The following HMGA2 variants were observed in gnomAD, a reference collection of about 807,000 sequenced individuals.
The protein encoded by HMGA2 is high mobility group protein HMGI-C.
HMGA2 carries 8 observed loss-of-function variants against 19.1 expected under a neutral mutation model. That is an observed-to-expected ratio of 0.42 (90% confidence interval 0.25 to 0.76). The LOEUF (loss-of-function observed/expected upper bound fraction) is 0.76, where lower values mean the gene tolerates loss of function less well. HMGA2 is among the 30% of genes least tolerant of loss of function. The probability of loss-of-function intolerance (pLI) is 0.28; values close to 1 mark genes in which losing one functional copy is unlikely to be tolerated. For synonymous variants in HMGA2, 60 were observed against 48.8 expected (o/e 1.23, Z -0.96); for missense variants, 109 against 136.3 (o/e 0.80, Z 1.00).
intron 3 of HMGA2, among the ~76,000 whole-genome samples, chr12:65,861,443 A>G (rs1872062039): frequency 6.6e-6 from 1 of 152,232 alleles, no homozygotes; most frequent in South Asian, 2.1e-4. Flanking sequence ...GATGGATAAA[A>G]CAGAGCGTTC....
chr12:65,852,229 G>A (rs959216025), intron 3 of HMGA2, among the ~76,000 whole-genome samples: 1 of 152,168 alleles, frequency 6.6e-6, no homozygotes, highest in Non-Finnish European at 1.5e-5. Flanking sequence ...GGATGCGGGG[G>A]CTCACGCCTA....
chr12:65,935,504 CT>C lies in HMGA2; in HGVS notation c.250-15868del, dbSNP rs531582270. ...CACGTCTGTTTGAATTTGGGTTTTTCTTTTTTTTTTTCTGTCTGCATAACAC... is the reference window on the plus strand; with the variant it reads ...CACGTCTGTTTGAATTTGGGTTTTTCTTTTTTTTTTCTGTCTGCATAACAC... On this transcript the variant is annotated intron_variant, in intron 3 of 4. Transcript: ENST00000403681. 2.6e-3 allele frequency among the ~76,000 whole-genome samples: 386 copies of C among 146,486 alleles called. 1 individual carries two copies. Among genetic ancestry groups the C allele is most frequent in the Non-Finnish European group, 4.2e-3 (277 of 66,190 alleles).
chr12:65,916,071 A>G (rs947917825), intron 3 of HMGA2, among the ~76,000 whole-genome samples: 1 of 152,144 alleles, frequency 6.6e-6, no homozygotes, highest in African/African-American at 2.4e-5. Context: ...CCTTGCCAGA[A>G]AAGAAGATCC....
chr12:65,921,169 G>A (rs1875293864), intron 3 of HMGA2, among the ~76,000 whole-genome samples: 1 of 152,224 alleles, frequency 6.6e-6, no homozygotes, highest in Non-Finnish European at 1.5e-5. Context: ...GAACTTGAGA[G>A]AGATGATTTA....
At chr12:65,898,940 A>G (rs948089198) in intron 3 of HMGA2, among the ~76,000 whole-genome samples, 1 of 148,558 alleles carries the variant, frequency 6.7e-6, no homozygotes, top group African/African-American at 2.5e-5. Flanking sequence ...GCTACTCGAG[A>G]GGCTGAGGCA....
chr12:65,951,585 C>T, intron 4 of HMGA2, 170 bp downstream of exon 4: 1 of 548,786 alleles, frequency 1.8e-6, no homozygotes, highest in South Asian at 3.1e-5. Context: ...ATATAGTCTG[C>T]AATCGTACCA....
intron 3 of HMGA2, among the ~76,000 whole-genome samples, chr12:65,863,764 GT>G (rs1355153182): frequency 1.3e-5 from 2 of 152,184 alleles, no homozygotes; most frequent in Non-Finnish European, 2.9e-5. Context: ...GACTACAGAA[GT>G]CGCAACCCTC....
intron 3 of HMGA2, among the ~76,000 whole-genome samples, chr12:65,910,968 C>G (rs1012950721): frequency 1.3e-5 from 2 of 152,192 alleles, no homozygotes; most frequent in Admixed American, 6.5e-5. Context: ...TAGCTTCCTT[C>G]CACCCCATTC....
At chr12:65,934,589 A>G (rs1295576559) in intron 3 of HMGA2, among the ~76,000 whole-genome samples, 2 of 152,162 alleles carry the variant, frequency 1.3e-5, no homozygotes, top group African/African-American at 4.8e-5. Context: ...TTCTCTATAA[A>G]GGCTGTTGGT....
intron 3 of HMGA2, among the ~76,000 whole-genome samples, chr12:65,854,796 C>A (rs898386815): frequency 7.9e-5 from 12 of 152,194 alleles, no homozygotes; most frequent in African/African-American, 2.9e-4. Flanking sequence ...ATGACATACA[C>A]TAAATTTGTC....
At position 65,838,584 on chromosome 12, in the gene HMGA2, A is replaced by G. The variant is rs774856021; in HGVS notation, c.249+15A>G. The G allele has an allele frequency of 6.3e-7, 1 of 1,585,016 alleles. No individual in the cohort carries two copies. Among genetic ancestry groups the G allele is most frequent in the East Asian group, 2.3e-5 (1 of 44,236 alleles). ...CTAGGAAATGGGTGAGTAATAAGAT[A>G]TAATTTTTCTTCTTTTTTTTAAAGA... On this transcript the variant is annotated intron_variant, in intron 3 of 4. Transcript: ENST00000403681.
intron 3 of HMGA2, among the ~76,000 whole-genome samples, chr12:65,880,779 A>G (rs921713687): frequency 3.9e-5 from 6 of 152,144 alleles, no homozygotes; most frequent in Non-Finnish European, 8.8e-5. Flanking sequence ...GGTTTCTTTT[A>G]CTTAAAAAAA....
intron 3 of HMGA2, among the ~76,000 whole-genome samples, chr12:65,854,099 A>C (rs962402767): frequency 6.6e-6 from 1 of 152,214 alleles, no homozygotes; most frequent in Non-Finnish European, 1.5e-5. Flanking sequence ...ATGAAGGTAC[A>C]CATTTCGAGA....
At chr12:65,891,095 A>C (rs1176028584) in intron 3 of HMGA2, among the ~76,000 whole-genome samples, 3 of 151,976 alleles carry the variant, frequency 2.0e-5, no homozygotes, top group Non-Finnish European at 4.4e-5. Context: ...CTCCTCTTTC[A>C]TCCATTGGAA....
At chr12:65,958,941 G>A (rs527250083) in intron 4 of HMGA2, 8 of 152,090 alleles carry the variant, frequency 5.3e-5, no homozygotes, top group Non-Finnish European at 1.0e-4. Context: ...GGGCATCGTG[G>A]TGACACCACC....
At chr12:65,827,253 T>A (rs1870252950) in intron 1 of HMGA2, among the ~76,000 whole-genome samples, 1 of 152,118 alleles carries the variant, frequency 6.6e-6, no homozygotes, top group Non-Finnish European at 1.5e-5. Context: ...CCCATAAGAG[T>A]TTTCTCAAAA....
chr12:65,937,915 A>C (rs1359819629), intron 3 of HMGA2, among the ~76,000 whole-genome samples: 1 of 152,178 alleles, frequency 6.6e-6, no homozygotes, highest in Non-Finnish European at 1.5e-5. Context: ...GTGCAAAGCC[A>C]AACCAGTTGC....
intron 3 of HMGA2, chr12:65,860,106 GA>G (rs1048163069): frequency 2.4e-6 from 1 of 423,452 alleles, no homozygotes; most frequent in Non-Finnish European, 4.8e-6. Context: ...GAAAAGAAAA[GA>G]AAAGAGAAAA....
chr12:65,880,793 T>A (rs990317950), intron 3 of HMGA2, among the ~76,000 whole-genome samples: 3 of 152,232 alleles, frequency 2.0e-5, no homozygotes, highest in South Asian at 2.1e-4. Context: ...AAAAAAAAAA[T>A]TCCTCTGATA....
Sources: gnomAD v4.1 joint callset for allele counts (sites outside exome capture counted in the v4.1 genomes callset) on GRCh38, gnomAD v4.1.1 for gene constraint, MANE v1.5 for transcripts, NCBI Gene and HGNC (gene_info 2026-07-23, HGNC 2026-07-21) for gene names.